The following THEM4 variants were observed in gnomAD, a reference collection of about 807,000 sequenced individuals.
The protein encoded by THEM4 is acyl-coenzyme A thioesterase THEM4.
A neutral mutation model predicts 25.0 loss-of-function variants in THEM4; 22 were observed. The ratio of observed to expected loss-of-function variants is 0.88; its 90% CI spans 0.63 to 1.26. The LOEUF (loss-of-function observed/expected upper bound fraction) is 1.26. THEM4 is among the 50% of genes most tolerant of loss of function. THEM4 has a pLI of 0.00. For synonymous variants in THEM4, 113 were observed against 105.6 expected, an observed-to-expected ratio of 1.07 and a Z score of -0.43; for missense variants, 286 against 300.3, an observed-to-expected ratio of 0.95 and a Z score of 0.35.
chr1:151,901,614 G>A (rs560594915), intron 1 of THEM4, among the ~76,000 whole-genome samples: 85 of 152,280 alleles, frequency 5.6e-4, no homozygotes, highest in African/African-American at 1.9e-3. Context: ...AGGCTGAGGC[G>A]GGAGGATCAC....
intron 1 of THEM4, among the ~76,000 whole-genome samples, chr1:151,906,517 T>C (rs1032609923): frequency 5.9e-5 from 9 of 152,102 alleles, no homozygotes; most frequent in African/African-American, 1.9e-4. Context: ...GGCTGAGGAG[T>C]GTGGGCACAC....
rs750768206 is a variant in THEM4, at chr1:151,889,343, G to A, written c.317C>T (p.Ser106Leu). The A allele has an allele frequency of 6.2e-7, 1 of 1,613,958 alleles. No individual in the cohort carries two copies. The highest frequency in any genetic ancestry group is 8.5e-7 in the Non-Finnish European group (1 of 1,179,904). ...DPKLMKEEQM[S>L]QAQLFTRSFD... is the part of the protein sequence containing the mutation. ...GCTTCTGGTGAAGAGCTGGGCCTGT[G>A]ACATTTGTTCTTCTTTCATAAGCTT... The change falls in exon 3 of 6, where the codon TCA becomes TTA. Residue 106 changes from serine to leucine, a missense_variant. Coordinates refer to ENST00000368814, the MANE Select transcript of THEM4 (RefSeq NM_053055.5).
intron 2 of THEM4, among the ~76,000 whole-genome samples, chr1:151,892,245 C>T (rs988863998): frequency 1.6e-4 from 25 of 152,162 alleles, no homozygotes; most frequent in African/African-American, 6.0e-4. Flanking sequence ...AAAACATTGA[C>T]ATTTAAGGAG....
At chr1:151,900,933 T>C (rs1304772945) in intron 1 of THEM4, among the ~76,000 whole-genome samples, 4 of 152,242 alleles carry the variant, frequency 2.6e-5, no homozygotes, top group Non-Finnish European at 2.9e-5. Context: ...AGAAAACCGC[T>C]TAAAGGTGTT....
At chr1:151,891,146 T>G (rs973627807) in intron 2 of THEM4, 3 of 152,240 alleles carry the variant, frequency 2.0e-5, no homozygotes, top group Non-Finnish European at 4.4e-5. Context: ...GTTCTACTTC[T>G]GACCTTCTGA....
rs1190628949 is a variant in THEM4 at position 151,889,319 on chromosome 1, C to T, written c.341G>A (p.Ser114Asn). The change falls in exon 3 of 6, where the codon AGC becomes AAC. Residue 114 changes from serine to asparagine, a missense_variant. Transcript: ENST00000368814. ...TTCAAAGCCCAGGCCATCATCAAAGCTTCTGGTGAAGAGCTGGGCCTGTGA... is the reference window on the plus strand; with the variant it reads ...TTCAAAGCCCAGGCCATCATCAAAGTTTCTGGTGAAGAGCTGGGCCTGTGA... ...QMSQAQLFTRSFDDGLGFEYV... is the reference protein window; with the variant it reads ...QMSQAQLFTRNFDDGLGFEYV... The T allele has an allele frequency of 2.5e-6, 4 of 1,613,926 alleles. No individual in the cohort carries two copies. The highest frequency in any genetic ancestry group is 3.4e-6 in the Non-Finnish European group (4 of 1,179,960).
intron 2 of THEM4, among the ~76,000 whole-genome samples, chr1:151,892,435 A>G (rs762508586): frequency 6.6e-6 from 1 of 152,194 alleles, no homozygotes; most frequent in African/African-American, 2.4e-5. Flanking sequence ...TGAGGGTAGA[A>G]GCCAGATTGT....
chr1:151,871,128 C>A lies in THEM4; in HGVS notation c.*3760G>T, dbSNP rs1223671709. On this transcript the variant is annotated 3_prime_UTR_variant, in exon 6 of 6. Coordinates refer to ENST00000368814, the MANE Select transcript of THEM4 (RefSeq NM_053055.5). ...TCACTTGAGCCCAGGAGTTTGAGAC[C>A]AGACTGGGCAACATGGCAAAACCCT... is the stretch of plus-strand genomic sequence containing the variant. Among the ~76,000 whole-genome samples the A allele has an allele frequency of 6.6e-6, 1 of 151,956 alleles. No homozygotes were observed. The highest frequency in any genetic ancestry group is 1.5e-5 in the Non-Finnish European group (1 of 67,996).
At chr1:151,877,954 C>A (rs1653726176) in intron 4 of THEM4, among the ~76,000 whole-genome samples, 2 of 152,042 alleles carry the variant, frequency 1.3e-5, no homozygotes, top group African/African-American at 4.8e-5. Context: ...ATGGAACTAC[C>A]CCAGGTAGAA....
At chr1:151,891,577 A>G (rs973575271) in intron 2 of THEM4, 1 of 152,242 alleles carries the variant, frequency 6.6e-6, no homozygotes, top group Non-Finnish European at 1.5e-5. Flanking sequence ...TCTTAATGAA[A>G]TAACAATTGT....
chr1:151,908,394 C>T (rs2130526), intron 1 of THEM4, among the ~76,000 whole-genome samples: 139,259 of 152,204 alleles, frequency 0.91, 63,714 homozygotes, highest in East Asian at 0.95. Flanking sequence ...TCGTTTAGCC[C>T]GGCATGGCCC....
rs576501022 is a variant in THEM4, at chr1:151,871,038, A to G, written c.*3850T>C. Among the ~76,000 whole-genome samples, 1 of 152,282 alleles carries G rather than the reference A, an allele frequency of 6.6e-6. No individual in the cohort carries two copies. Among genetic ancestry groups the G allele is most frequent in the South Asian group, 2.1e-4 (1 of 4,830 alleles). On this transcript the variant is annotated 3_prime_UTR_variant, in exon 6 of 6. Coordinates refer to ENST00000368814, the MANE Select transcript of THEM4 (RefSeq NM_053055.5). ...ATGTTAGCACTTGGTATAAAGAAGG[A>G]AACAGGTTGAGCAAGGTGGCTCATG...
chr1:151,907,851 C>T (rs778201274), intron 1 of THEM4, among the ~76,000 whole-genome samples: 1 of 152,198 alleles, frequency 6.6e-6, no homozygotes, highest in Non-Finnish European at 1.5e-5. Context: ...GCTCCCTGGC[C>T]CCACTTCTTT....
Position 151,888,360 on chromosome 1 carries a change from G to C in THEM4, c.470C>G (p.Ala157Gly), listed in dbSNP as rs200293623. Reference sequence around the variant, plus strand: ...ACCAACAGTAGCATCAATCATGGTTGCAATGGCACCTCCATGAATGAATCT... The same window carrying C: ...ACCAACAGTAGCATCAATCATGGTTCCAATGGCACCTCCATGAATGAATCT... ...PPGFIHGGAI[A>G]TMIDATVGMC... Residue 157 changes from alanine to glycine, a missense_variant, in exon 4 of 6, where the codon GCA (alanine) becomes GGA (glycine). Coordinates refer to ENST00000368814, the MANE Select transcript of THEM4 (RefSeq NM_053055.5). The C allele has an allele frequency of 1.8e-4, 286 of 1,612,798 alleles. 1 individual carries two copies. Among genetic ancestry groups the C allele is most frequent in the Non-Finnish European group, 2.5e-6 (3 of 1,179,382 alleles).
At chr1:151,906,334 C>T (rs1430759029) in intron 1 of THEM4, among the ~76,000 whole-genome samples, 1 of 152,262 alleles carries the variant, frequency 6.6e-6, no homozygotes, top group African/African-American at 2.4e-5. Context: ...CCCACTGGCG[C>T]TGCGCTCGAT....
intron 2 of THEM4, chr1:151,890,666 T>C (rs547726171): frequency 6.4e-4 from 99 of 153,730 alleles, no homozygotes; most frequent in Non-Finnish European, 1.2e-3. Flanking sequence ...GCACATACTA[T>C]ATACACTTAA....
chr1:151,873,257 C>T lies in THEM4; in HGVS notation c.*1631G>A, dbSNP rs561494735. Among the ~76,000 whole-genome samples the T allele has an allele frequency of 3.3e-5, 5 of 152,306 alleles. No individual in the cohort carries two copies. In the East Asian group the frequency reaches 9.6e-4, roughly 29 times the overall value. On this transcript the variant is annotated 3_prime_UTR_variant, in exon 6 of 6. Coordinates refer to ENST00000368814, the MANE Select transcript of THEM4 (RefSeq NM_053055.5). ...TCACAGATTTTCCTGCTGACCTTCT[C>T]CCCACTATCACCCTGTTCTCCTGCT... is the stretch of plus-strand genomic sequence containing the variant.
intron 1 of THEM4, among the ~76,000 whole-genome samples, chr1:151,902,076 C>T (rs567813101): frequency 2.8e-4 from 42 of 152,232 alleles, no homozygotes; most frequent in East Asian, 1.5e-3. Flanking sequence ...AACCACAATG[C>T]GATACCACCT....
intron 4 of THEM4, among the ~76,000 whole-genome samples, chr1:151,881,129 T>C (rs1388652898): frequency 6.6e-6 from 1 of 152,170 alleles, no homozygotes; most frequent in Non-Finnish European, 1.5e-5. Flanking sequence ...ATTTTAGCTG[T>C]CCTTTTGTTA....
Sources: gnomAD v4.1 joint callset for allele counts (sites outside exome capture counted in the v4.1 genomes callset) on GRCh38, gnomAD v4.1.1 for gene constraint, MANE v1.5 for transcripts, NCBI Gene and HGNC (gene_info 2026-07-23, HGNC 2026-07-21) for gene names.